Variants in SDHA observed in about 807,000 individuals in gnomAD.
SDHA encodes succinate dehydrogenase [ubiquinone] flavoprotein subunit, mitochondrial.
SDHA carries 48 observed loss-of-function variants against 78.4 expected under a neutral mutation model. The ratio of observed to expected loss-of-function variants is 0.61; its 90% CI spans 0.49 to 0.78. The LOEUF is 0.78. SDHA is among the 30% of genes least tolerant of loss of function. SDHA has a pLI of 0.00. For synonymous variants in SDHA, 326 were observed against 353.9 expected, an observed-to-expected ratio of 0.92 and a Z score of 0.88; for missense variants, 680 against 892.7, an observed-to-expected ratio of 0.76 and a Z score of 3.04.
At chr5:268,212 C>T in the SDHA span, among the ~76,000 whole-genome samples, 3 of 150,032 alleles carry the variant, frequency 2.0e-5, no homozygotes, top group Non-Finnish European at 3.0e-5. Context: ...GAGACGGAGT[C>T]TCACTCTGTT....
chr5:232,253 C>T (rs961175607), intron 7 of SDHA, among the ~76,000 whole-genome samples: 14 of 152,038 alleles, frequency 9.2e-5, no homozygotes, highest in African/African-American at 3.4e-4. Context: ...CTCTGTTGCT[C>T]AGGCTGGAGT....
At chr5:236,151 A>G (rs1370135068) in intron 9 of SDHA, 11 of 452,834 alleles carry the variant, frequency 2.4e-5, no homozygotes, top group Admixed American at 2.4e-4. Flanking sequence ...CAGCCTCCCT[A>G]GTAGCTGGGA....
intron 2 of SDHA, 134 bp from the exon 3 acceptor site, chr5:224,226 C>T (rs1469885774): frequency 4.2e-6 from 4 of 945,580 alleles, no homozygotes; most frequent in Non-Finnish European, 6.9e-6. Context: ...AGGGCTCAGC[C>T]CCAGGACAGG....
chr5:249,804 T>C (rs1736701213), intron 11 of SDHA: 1 of 152,314 alleles, frequency 6.6e-6, no homozygotes, highest in African/African-American at 2.4e-5. Flanking sequence ...CAGTAAATAT[T>C]GAAAAGGAAT....
At chr5:264,146 G>C in the SDHA span, among the ~76,000 whole-genome samples, 2 of 152,226 alleles carry the variant, frequency 1.3e-5, no homozygotes, top group Non-Finnish European at 2.9e-5. Context: ...AGTGGTTGCT[G>C]TGGAGGACAG....
At chr5:254,658 G>A (rs1737065852) in intron 14 of SDHA, 152 bp downstream of exon 14, 13 of 1,340,600 alleles carry the variant, frequency 9.7e-6, no homozygotes, top group Middle Eastern at 2.6e-4. Flanking sequence ...AAGGCACTCC[G>A]ACAGCAGTCG....
intron 10 of SDHA, 127 bp from the exon 11 acceptor site, chr5:240,231 C>T (rs1736053188): frequency 2.9e-6 from 2 of 690,154 alleles, no homozygotes; most frequent in Non-Finnish European, 5.3e-6. Context: ...AGTGTGTTAG[C>T]TCAGGAGACT....
In SDHA at chr5:218,421, G is replaced by C. The variant is rs2126522872; in HGVS notation, c.63+3G>C. ...GGCGCCTGGCGCTGGCCAAGGCGGT[G>C]AGTCCGTGCCGCGGACCGGGGCGGG... On this transcript the variant is annotated splice_donor_region_variant and intron_variant, in intron 1 of 14. Coordinates refer to ENST00000264932, the MANE Select transcript of SDHA (RefSeq NM_004168.4). 3 of 1,427,420 alleles carry C rather than the reference G, an allele frequency of 2.1e-6. No homozygotes were observed. Among genetic ancestry groups the C allele is most frequent in the Non-Finnish European group, 2.7e-6 (3 of 1,101,334 alleles). 88.4% of individuals were successfully genotyped at this position (1,427,420 alleles called of 1,614,324 possible).
intron 14 of SDHA, 92 bp from the exon 15 acceptor site, chr5:256,242 T>C: frequency 1.1e-6 from 1 of 922,952 alleles, no homozygotes; most frequent in Non-Finnish European, 1.8e-6. Context: ...GCCATAAATC[T>C]ACTTTTATAG....
intron 6 of SDHA, among the ~76,000 whole-genome samples, chr5:229,530 G>A (rs1409935715): frequency 6.6e-6 from 1 of 152,230 alleles, no homozygotes; most frequent in East Asian, 1.9e-4. Context: ...TGTCACTCAT[G>A]TGGAATCTAA....
chr5:223,307 G>A (rs1018489830), intron 1 of SDHA, among the ~76,000 whole-genome samples, 175 bp from the exon 2 acceptor site: 2 of 152,218 alleles, frequency 1.3e-5, no homozygotes, highest in African/African-American at 4.8e-5. Flanking sequence ...GTCCTTCCTT[G>A]CCCCTTGGGC....
chr5:231,853 G>A (rs1019573056), intron 7 of SDHA, among the ~76,000 whole-genome samples: 34 of 152,184 alleles, frequency 2.2e-4, no homozygotes, highest in Admixed American at 4.6e-4. Flanking sequence ...GACATTGGGC[G>A]CTGGGCTCAG....
At chr5:228,391 GTTTC>G in intron 6 of SDHA, 58 bp downstream of exon 6, 3 of 1,527,112 alleles carry the variant, frequency 2.0e-6, no homozygotes, top group South Asian at 2.3e-5. Flanking sequence ...TTCATTTAGA[GTTTC>G]TTTATTTTAA....
rs73730775 is a variant in SDHA, at chr5:230,735, G to A, written c.771-141G>A. On this transcript the variant is annotated intron_variant, in intron 6 of 14. Transcript: ENST00000264932. ...GCGCGGCCCCTAGTGATATGTGTGG[G>A]GTGTGCGTGAGTAGGGGGTTGTGTG... The A allele has an allele frequency of 0.026, 27,996 of 1,057,396 alleles. 4,515 individuals carry two copies. The African/African-American group carries it at 0.37, about 14-fold the overall frequency. 65.5% of individuals were successfully genotyped at this position (1,057,396 alleles called of 1,614,324 possible).
chr5:233,872 A>G (rs577679272), intron 8 of SDHA: 1 of 512,776 alleles, frequency 2.0e-6, no homozygotes, highest in Non-Finnish European at 3.6e-6. Flanking sequence ...AGTTTCTCTT[A>G]GTGTGTGTGA....
chr5:253,098 A>G (rs1027304134), intron 13 of SDHA: 1 of 152,238 alleles, frequency 6.6e-6, no homozygotes, highest in African/African-American at 2.4e-5. Flanking sequence ...TTTTTCCCAT[A>G]TGATAGCAAA....
At chr5:253,388 A>G (rs1736978372) in intron 13 of SDHA, among the ~76,000 whole-genome samples, 1 of 152,244 alleles carries the variant, frequency 6.6e-6, no homozygotes, top group Non-Finnish European at 1.5e-5. Flanking sequence ...AGTTTCCTGC[A>G]AAGTATATGA....
chr5:255,080 G>A (rs1336634987), intron 14 of SDHA, among the ~76,000 whole-genome samples: 1 of 149,228 alleles, frequency 6.7e-6, no homozygotes, highest in Non-Finnish European at 1.5e-5. Context: ...GTAGGGGGTC[G>A]CAGCCTTTTT....
chr5:218,442 G>A, intron 1 of SDHA, 24 bp downstream of exon 1: 1 of 1,370,300 alleles, frequency 7.3e-7, no homozygotes, highest in African/African-American at 1.5e-5. Flanking sequence ...GCGGACCGGG[G>A]CGGGGCAGGC....
Sources: gnomAD v4.1 joint callset for allele counts (sites outside exome capture counted in the v4.1 genomes callset) on GRCh38, gnomAD v4.1.1 for gene constraint, MANE v1.5 for transcripts, NCBI Gene and HGNC (gene_info 2026-07-23, HGNC 2026-07-21) for gene names.